Variants in TMEM117 observed in about 807,000 individuals in gnomAD.
TMEM117 encodes transmembrane protein 117.
TMEM117 carries 27 observed loss-of-function variants against 52.4 expected under a neutral mutation model. That is an observed-to-expected ratio of 0.51 (90% CI 0.38 to 0.71). The LOEUF (loss-of-function observed/expected upper bound fraction) is 0.71, where lower values mean the gene tolerates loss of function less well. Ranked by LOEUF, TMEM117 falls within the 30% of genes least tolerant of loss-of-function variation. TMEM117 has a pLI of 0.00. For missense variants in TMEM117, 556 were observed against 630.5 expected (o/e 0.88, Z 1.26); for synonymous variants, 215 against 206.3 (o/e 1.04, Z -0.36).
In TMEM117 at chr12:44,042,017, TA is replaced by T. The variant is rs931483616; in HGVS notation, c.410+97681del. Among the ~76,000 whole-genome samples, 126 of 152,204 alleles carry T rather than the reference TA, an allele frequency of 8.3e-4. 1 individual carries two copies. Among genetic ancestry groups the T allele is most frequent in the African/African-American group, 3.0e-3 (124 of 41,526 alleles). ...AGAGCAGTCAGGCAAGAGAGAGAAA[TA>T]AAAAAGTCATCCACATTGAAAGGGA... On this transcript the variant is annotated intron_variant, in intron 3 of 7. Transcript: ENST00000266534.
chr12:44,375,394 G>A (rs1951927945), intron 6 of TMEM117, among the ~76,000 whole-genome samples: 1 of 152,092 alleles, frequency 6.6e-6, no homozygotes, highest in Admixed American at 6.6e-5. Context: ...CTTTTTAGCA[G>A]CTTGAAATGA....
intron 4 of TMEM117, among the ~76,000 whole-genome samples, chr12:44,205,431 T>C (rs867891925): frequency 4.6e-5 from 7 of 152,286 alleles, no homozygotes; most frequent in South Asian, 4.1e-4. Context: ...TACCCAGTCT[T>C]GGGTATGTCT....
chr12:44,131,513 T>C (rs1332556937), intron 3 of TMEM117, among the ~76,000 whole-genome samples: 1 of 152,204 alleles, frequency 6.6e-6, no homozygotes, highest in Non-Finnish European at 1.5e-5. Flanking sequence ...TTGCTCATCC[T>C]CTTATTTAAA....
intron 6 of TMEM117, among the ~76,000 whole-genome samples, chr12:44,355,383 A>G (rs1461396093): frequency 1.3e-5 from 2 of 151,986 alleles, no homozygotes; most frequent in Non-Finnish European, 2.9e-5. Context: ...CATAGTCTTT[A>G]TCCTGGTTAT....
chr12:43,865,077 G>A (rs1313917937), intron 2 of TMEM117, among the ~76,000 whole-genome samples: 1 of 152,076 alleles, frequency 6.6e-6, no homozygotes, highest in Non-Finnish European at 1.5e-5. Flanking sequence ...GAACACATCC[G>A]AACATCAGAA....
intron 3 of TMEM117, among the ~76,000 whole-genome samples, chr12:44,041,679 T>TTCAGACCAATATCCCTGATGAACA (rs1173520421): frequency 6.6e-6 from 1 of 152,028 alleles, no homozygotes; most frequent in Admixed American, 6.6e-5. Context: ...AAAAGAAAAC[T>TTCAGACCAATATCCCTGATGAACA]TCAGACCAAT....
intron 4 of TMEM117, among the ~76,000 whole-genome samples, chr12:44,167,469 C>T (rs953893415): frequency 3.3e-5 from 5 of 151,940 alleles, no homozygotes; most frequent in African/African-American, 1.2e-4. Flanking sequence ...GAGATCGAGA[C>T]CATCCTGGCT....
intron 2 of TMEM117, among the ~76,000 whole-genome samples, chr12:43,862,543 C>T (rs1159641680): frequency 6.6e-6 from 1 of 152,188 alleles, no homozygotes; most frequent in Non-Finnish European, 1.5e-5. Flanking sequence ...GAATGCCTGA[C>T]TGGGAGAAAT....
intron 2 of TMEM117, among the ~76,000 whole-genome samples, chr12:43,933,049 T>A (rs998982953): frequency 1.6e-4 from 24 of 152,190 alleles, no homozygotes; most frequent in Admixed American, 1.5e-3. Context: ...AGGGGACTAT[T>A]CTTGACAATT....
intron 3 of TMEM117, among the ~76,000 whole-genome samples, chr12:43,980,394 G>T (rs544309367): frequency 6.6e-6 from 1 of 151,180 alleles, no homozygotes; most frequent in Non-Finnish European, 1.5e-5. Flanking sequence ...TACATCTAGC[G>T]TACCTTCTTC....
chr12:43,895,796 G>A (rs886945709), intron 2 of TMEM117, among the ~76,000 whole-genome samples: 40 of 152,208 alleles, frequency 2.6e-4, no homozygotes, highest in Admixed American at 5.2e-4. Context: ...CTTAGTTTAT[G>A]TTAAGGCCCT....
intron 3 of TMEM117, among the ~76,000 whole-genome samples, chr12:44,114,899 A>T (rs915391254): frequency 6.6e-6 from 1 of 152,264 alleles, no homozygotes; most frequent in African/African-American, 2.4e-5. Flanking sequence ...GTGTTTTTAA[A>T]GAAAATCAGA....
At chr12:43,878,144 T>C (rs1943835990) in intron 2 of TMEM117, among the ~76,000 whole-genome samples, 1 of 149,670 alleles carries the variant, frequency 6.7e-6, no homozygotes, top group Non-Finnish European at 1.5e-5. Flanking sequence ...CACTCTGACT[T>C]TTCTGCAGCC....
At chr12:44,191,054 A>C (rs1328152281) in intron 4 of TMEM117, among the ~76,000 whole-genome samples, 1 of 151,732 alleles carries the variant, frequency 6.6e-6, no homozygotes, top group Admixed American at 6.6e-5. Flanking sequence ...TTAACTCACA[A>C]CTCAGCGTGA....
intron 5 of TMEM117, among the ~76,000 whole-genome samples, chr12:44,234,538 TA>T (rs1469722262): frequency 6.6e-6 from 1 of 151,364 alleles, no homozygotes; most frequent in Non-Finnish European, 1.5e-5. Context: ...TTCATTTAAA[TA>T]AACTAATCTT....
intron 3 of TMEM117, among the ~76,000 whole-genome samples, chr12:44,027,199 A>ATTTTATTTTATTTTATTTTATTTTATTTT (rs1199295546): frequency 8.8e-6 from 1 of 113,838 alleles, no homozygotes; most frequent in African/African-American, 3.7e-5. Context: ...ATTTTATTTT[A>ATTTTATTTTATTTTATTTTATTTTATTTT]ATTAGAGATG....
chr12:44,114,609 T>C (rs1948103019), intron 3 of TMEM117, among the ~76,000 whole-genome samples: 1 of 152,176 alleles, frequency 6.6e-6, no homozygotes, highest in Non-Finnish European at 1.5e-5. Context: ...AGTAATTTAT[T>C]CTCTCTGTGC....
chr12:44,311,741 A>G (rs1246252499), intron 6 of TMEM117, among the ~76,000 whole-genome samples: 1 of 137,516 alleles, frequency 7.3e-6, no homozygotes, highest in African/African-American at 3.0e-5. Flanking sequence ...ATATATATGT[A>G]TATATGTGTA....
chr12:43,873,076 T>C (rs1943734024), intron 2 of TMEM117, among the ~76,000 whole-genome samples: 2 of 152,158 alleles, frequency 1.3e-5, no homozygotes, highest in Admixed American at 1.3e-4. Flanking sequence ...TGCTCAATAG[T>C]GATGGATGCT....
Sources: gnomAD v4.1 joint callset for allele counts (sites outside exome capture counted in the v4.1 genomes callset) on GRCh38, gnomAD v4.1.1 for gene constraint, MANE v1.5 for transcripts, NCBI Gene and HGNC (gene_info 2026-07-23, HGNC 2026-07-21) for gene names.